Variants in ANKRD20A1 observed in about 807,000 individuals in gnomAD.
The protein encoded by ANKRD20A1 is ankyrin repeat domain 20 family member A1.
In ANKRD20A1, 2 loss-of-function variants were observed where a neutral mutation model predicts 50.9. That is an observed-to-expected ratio of 0.04 (90% CI 0.02 to 0.12). The LOEUF is 0.12. Among genes scored for constraint, ANKRD20A1 ranks in the 10% least tolerant of loss-of-function variants. ANKRD20A1 has a pLI of 1.00. For synonymous variants in ANKRD20A1, 10 were observed against 186.2 expected, an observed-to-expected ratio of 0.05 and a Z score of 7.70; for missense variants, 31 against 548.1, an observed-to-expected ratio of 0.06 and a Z score of 9.42.
intron 8 of ANKRD20A1, among the ~76,000 whole-genome samples, chr9:67,881,509 G>A (rs1827795237): frequency 6.6e-6 from 1 of 151,518 alleles, no homozygotes; most frequent in African/African-American, 2.4e-5. Flanking sequence ...AGACTCACCT[G>A]TAATCCCAGC....
chr9:67,880,888 A>G (rs1827783215), intron 8 of ANKRD20A1, among the ~76,000 whole-genome samples: 1 of 91,520 alleles, frequency 1.1e-5, no homozygotes, highest in South Asian at 5.3e-4. Context: ...TGACTTTTAA[A>G]TCATACGAGT....
chr9:67,867,678 G>T (rs1827596551), intron 4 of ANKRD20A1, among the ~76,000 whole-genome samples: 5 of 105,978 alleles, frequency 4.7e-5, no homozygotes, highest in Admixed American at 1.0e-4. Flanking sequence ...TTTTTTTTTT[G>T]AGATGGAGTC....
chr9:67,879,346 G>A (rs1286220938), intron 7 of ANKRD20A1, among the ~76,000 whole-genome samples: 290 of 94,228 alleles, frequency 3.1e-3, no homozygotes, highest in African/African-American at 9.0e-3. Flanking sequence ...CTCTTTTCCC[G>A]ATTCACTGAT....
chr9:67,885,630 A>C (rs1445191380), intron 9 of ANKRD20A1, among the ~76,000 whole-genome samples: 5 of 152,308 alleles, frequency 3.3e-5, no homozygotes, highest in African/African-American at 1.2e-4. Flanking sequence ...TGTAGTATTA[A>C]ATTGAGGGAC....
At chr9:67,897,451 T>C (rs1191450368) in intron 12 of ANKRD20A1, 108 bp from the exon 13 acceptor site, 1 of 466,652 alleles carries the variant, frequency 2.1e-6, no homozygotes, top group Admixed American at 3.9e-5. Context: ...CAAAATACTT[T>C]TATCATTAAA....
intron 9 of ANKRD20A1, among the ~76,000 whole-genome samples, chr9:67,885,187 G>A (rs1827859088): frequency 6.6e-6 from 1 of 152,276 alleles, no homozygotes; most frequent in Non-Finnish European, 1.5e-5. Context: ...AGTGTACATG[G>A]AATAAATAAA....
intron 8 of ANKRD20A1, among the ~76,000 whole-genome samples, chr9:67,884,269 T>A (rs1161302108): frequency 1.3e-5 from 2 of 150,054 alleles, no homozygotes; most frequent in Admixed American, 6.8e-5. Context: ...CATGGCATGA[T>A]GGGACGCACC....
intron 8 of ANKRD20A1, among the ~76,000 whole-genome samples, chr9:67,881,140 G>C (rs1400673365): frequency 6.6e-6 from 1 of 150,618 alleles, no homozygotes; most frequent in Non-Finnish European, 1.5e-5. Flanking sequence ...ATAACTGAGT[G>C]TGGTGGTGTA....
At chr9:67,882,321 T>C (rs1434137324) in intron 8 of ANKRD20A1, among the ~76,000 whole-genome samples, 1 of 151,244 alleles carries the variant, frequency 6.6e-6, no homozygotes, top group Non-Finnish European at 1.5e-5. Flanking sequence ...AATGAATTTT[T>C]ATATAATGGA....
intron 6 of ANKRD20A1, among the ~76,000 whole-genome samples, chr9:67,871,515 G>A (rs1229322485): frequency 7.3e-6 from 1 of 137,016 alleles, no homozygotes; most frequent in East Asian, 2.2e-4. Flanking sequence ...TAATATTTTT[G>A]CATAAATAAG....
At chr9:67,881,492 G>A (rs1361719948) in intron 8 of ANKRD20A1, among the ~76,000 whole-genome samples, 1 of 150,528 alleles carries the variant, frequency 6.6e-6, no homozygotes, top group Non-Finnish European at 1.5e-5. Context: ...TACTTCACCA[G>A]GCGTGGAGAC....
chr9:67,881,639 A>G (rs1460155400), intron 8 of ANKRD20A1, among the ~76,000 whole-genome samples: 10 of 152,326 alleles, frequency 6.6e-5, no homozygotes, highest in African/African-American at 2.2e-4. Flanking sequence ...AAACAAAAGC[A>G]GAAAAATTAA....
chr9:67,860,300 A>G (rs373822560), intron 1 of ANKRD20A1, among the ~76,000 whole-genome samples: 1 of 45,304 alleles, frequency 2.2e-5, no homozygotes, highest in Non-Finnish European at 4.3e-5. Context: ...GCCCGCCTCC[A>G]CCTCCCAAAG....
At chr9:67,888,705 AGAACTAATGTTTT>A (rs1827904430) in intron 11 of ANKRD20A1, among the ~76,000 whole-genome samples, 1 of 129,604 alleles carries the variant, frequency 7.7e-6, no homozygotes, top group Non-Finnish European at 1.7e-5. Flanking sequence ...ATCAAAATTC[AGAACTAATGTTTT>A]GAACAATATA....
chr9:67,872,874 GTTTA>G (rs1252952404), intron 6 of ANKRD20A1, among the ~76,000 whole-genome samples: 1 of 136,084 alleles, frequency 7.3e-6, no homozygotes, highest in Non-Finnish European at 1.6e-5. Context: ...TTATTTATTT[GTTTA>G]TTTATTTTTA....
At position 67,884,519 on chromosome 9, in the gene ANKRD20A1, C is replaced by T; in HGVS notation, c.928C>T (p.Pro310Ser). The change falls in exon 9 of 15, where the codon CCT becomes TCT. Residue 310 changes from proline to serine, a missense_variant. Transcript: ENST00000562196. ...CVPEKVSEPL[P>S]GSSHEKGNRI... ...CCCCGAGAAAGTGTCAGAGCCTTTACCTGGATCTTCGCATGAAAAAGGAAA... is the reference window on the plus strand; with the variant it reads ...CCCCGAGAAAGTGTCAGAGCCTTTATCTGGATCTTCGCATGAAAAAGGAAA... The T allele has an allele frequency of 1.3e-6, 2 of 1,591,034 alleles. No individual in the cohort carries two copies. The highest frequency in any genetic ancestry group is 8.5e-7 in the Non-Finnish European group (1 of 1,178,068).
chr9:67,881,871 G>T (rs1164373703), intron 8 of ANKRD20A1, among the ~76,000 whole-genome samples: 1 of 150,890 alleles, frequency 6.6e-6, no homozygotes, highest in African/African-American at 2.4e-5. Flanking sequence ...CTATTTAGTT[G>T]TTTAAATAAT....
chr9:67,900,254 CTCTGGT>C (rs1259620865), intron 14 of ANKRD20A1, among the ~76,000 whole-genome samples: 2 of 19,780 alleles, frequency 1.0e-4, no homozygotes, highest in African/African-American at 2.3e-4. Context: ...CTTAAAAATT[CTCTGGT>C]GTGTGTGTGT....
chr9:67,867,612 T>A (rs1827594431), intron 4 of ANKRD20A1, among the ~76,000 whole-genome samples: 2 of 152,278 alleles, frequency 1.3e-5, no homozygotes, highest in African/African-American at 4.8e-5. Context: ...AATCAGATGT[T>A]TTTGGTACTG....
Sources: allele counts gnomAD v4.1 joint callset (sites outside exome capture counted in the v4.1 genomes callset), GRCh38; gene constraint gnomAD v4.1.1; transcripts MANE v1.5; gene names NCBI Gene and HGNC (gene_info 2026-07-23, HGNC 2026-07-21).